The following RAPGEF6 variants were observed in gnomAD, a reference collection of about 807,000 sequenced individuals.
RAPGEF6 encodes the protein PDZ domain containing guanine nucleotide exchange factor (GEF) 2.
Under a neutral mutation model 171.4 loss-of-function variants are expected in RAPGEF6, and 56 were observed. That is an observed-to-expected ratio of 0.33 (90% confidence interval 0.26 to 0.41). RAPGEF6 has a LOEUF of 0.41. Ranked by LOEUF, RAPGEF6 falls within the 10% of genes least tolerant of loss-of-function variation. RAPGEF6 has a pLI of 1.00. For synonymous variants in RAPGEF6, 692 were observed against 650.1 expected, an observed-to-expected ratio of 1.06 and a Z score of -0.98; for missense variants, 1,674 against 1,921.4, an observed-to-expected ratio of 0.87 and a Z score of 2.41.
intron 3 of RAPGEF6, among the ~76,000 whole-genome samples, chr5:131,596,432 A>C (rs1270104520): frequency 6.6e-6 from 1 of 151,470 alleles, no homozygotes; most frequent in Non-Finnish European, 1.5e-5. Flanking sequence ...GGAGTGCCCA[A>C]GCTTGTAAAG....
intron 16 of RAPGEF6, among the ~76,000 whole-genome samples, chr5:131,473,855 T>A (rs1484091851): frequency 6.6e-6 from 1 of 152,162 alleles, no homozygotes; most frequent in Non-Finnish European, 1.5e-5. Flanking sequence ...GCTAAAGGAC[T>A]GTTAATAGTC....
chr5:131,530,741 T>C (rs1045882296), intron 6 of RAPGEF6, among the ~76,000 whole-genome samples: 3 of 152,214 alleles, frequency 2.0e-5, no homozygotes, highest in Non-Finnish European at 2.9e-5. Flanking sequence ...CTCTTCCATA[T>C]TTGTTAAATC....
intron 9 of RAPGEF6, 85 bp from the exon 10 acceptor site, chr5:131,505,607 T>C (rs572310624): frequency 8.3e-7 from 1 of 1,205,862 alleles, no homozygotes; most frequent in Non-Finnish European, 1.1e-6. Flanking sequence ...TCAATATATA[T>C]AACTTGAATA....
chr5:131,587,986 A>G (rs1399774828), intron 4 of RAPGEF6, among the ~76,000 whole-genome samples: 1 of 151,716 alleles, frequency 6.6e-6, no homozygotes, highest in Non-Finnish European at 1.5e-5. Flanking sequence ...TGAGGGAGCA[A>G]TGTAGCTTTT....
chr5:131,596,533 A>G (rs1238758014), intron 3 of RAPGEF6, among the ~76,000 whole-genome samples: 1 of 152,024 alleles, frequency 6.6e-6, no homozygotes, highest in South Asian at 2.1e-4. Flanking sequence ...GGACAGATCG[A>G]TAGACCTCAA....
intron 22 of RAPGEF6, among the ~76,000 whole-genome samples, chr5:131,444,967 G>C (rs1432978009): frequency 6.6e-6 from 1 of 152,236 alleles, no homozygotes; most frequent in African/African-American, 2.4e-5. Flanking sequence ...GTGGCAGCCA[G>C]AATGTAGAAA....
At chr5:131,580,692 C>T (rs1389963039) in intron 4 of RAPGEF6, among the ~76,000 whole-genome samples, 1 of 152,214 alleles carries the variant, frequency 6.6e-6, no homozygotes, top group Non-Finnish European at 1.5e-5. Context: ...CCATTACAAC[C>T]TCTAATGGCT....
chr5:131,551,139 G>C (rs950119959), intron 5 of RAPGEF6, among the ~76,000 whole-genome samples: 1 of 152,128 alleles, frequency 6.6e-6, no homozygotes, highest in Non-Finnish European at 1.5e-5. Flanking sequence ...AGAAACTGCA[G>C]CTTATCTCAT....
intron 2 of RAPGEF6, 65 bp downstream of exon 2, chr5:131,604,558 T>C (rs1764435467): frequency 6.4e-7 from 1 of 1,553,512 alleles, no homozygotes; most frequent in Non-Finnish European, 8.8e-7. Flanking sequence ...GCTTAACAAA[T>C]ATTTGGTGAA....
At position 131,455,715 on chromosome 5, in the gene RAPGEF6, T is replaced by C. The variant is rs960435934; in HGVS notation, c.3076+86A>G. 4.3e-6 allele frequency: 5 copies of C among 1,154,112 alleles called. No homozygotes were observed. In the African/African-American group the frequency reaches 6.2e-5, roughly 14 times the overall value. 71.5% of individuals were successfully genotyped at this position (1,154,112 alleles called of 1,614,324 possible). A position where few individuals can be genotyped will look rare whatever the true frequency, so the allele number is the denominator to read the frequency against. On this transcript the variant is annotated intron_variant, in intron 20 of 27. Coordinates refer to ENST00000509018, the MANE Select transcript of RAPGEF6 (RefSeq NM_016340.6). ...GTGTATAGTTACCAAATTAATAGAATAGGAAATATACCATACACAAAAATC... is the reference window on the plus strand; with the variant it reads ...GTGTATAGTTACCAAATTAATAGAACAGGAAATATACCATACACAAAAATC...
intron 6 of RAPGEF6, among the ~76,000 whole-genome samples, chr5:131,527,014 T>C (rs1758913094): frequency 6.6e-6 from 1 of 152,104 alleles, no homozygotes; most frequent in Non-Finnish European, 1.5e-5. Flanking sequence ...AAGCTAGGCA[T>C]TTTGAATTTG....
At chr5:131,516,959 T>C (rs1381512208) in intron 7 of RAPGEF6, among the ~76,000 whole-genome samples, 1 of 152,186 alleles carries the variant, frequency 6.6e-6, no homozygotes, top group Non-Finnish European at 1.5e-5. Flanking sequence ...CATAGAAGTG[T>C]AGCCACACAT....
At chr5:131,447,836 T>C (rs1355312213) in intron 21 of RAPGEF6, among the ~76,000 whole-genome samples, 2 of 152,234 alleles carry the variant, frequency 1.3e-5, no homozygotes, top group Non-Finnish European at 2.9e-5. Flanking sequence ...AATAGGGGTA[T>C]ATCTTACACT....
At chr5:131,478,803 G>A (rs1332466596) in intron 16 of RAPGEF6, among the ~76,000 whole-genome samples, 1 of 152,160 alleles carries the variant, frequency 6.6e-6, no homozygotes, top group African/African-American at 2.4e-5. Flanking sequence ...AGGCAAGTAA[G>A]TATTTTCTTT....
rs149135176 is a variant in RAPGEF6 at position 131,424,466 on chromosome 5, T to C, written c.*2800A>G. Reference sequence around the variant, plus strand: ...AAAATTGAATCAAAATAATCAGTTTTAAGGAAGCTTTTTCTCCTCCTTCCT... The same window carrying C: ...AAAATTGAATCAAAATAATCAGTTTCAAGGAAGCTTTTTCTCCTCCTTCCT... On this transcript the variant is annotated 3_prime_UTR_variant, in exon 28 of 28. Coordinates refer to ENST00000509018, the MANE Select transcript of RAPGEF6 (RefSeq NM_016340.6). The C allele has an allele frequency of 5.1e-4, 77 of 152,474 alleles. No homozygotes were observed. Among genetic ancestry groups the C allele is most frequent in the African/African-American group, 1.8e-3 (75 of 41,584 alleles). 9.4% of individuals were successfully genotyped at this position (152,474 alleles called of 1,614,324 possible).
intron 6 of RAPGEF6, among the ~76,000 whole-genome samples, chr5:131,539,355 T>TAA (rs1759982342): frequency 6.6e-6 from 1 of 152,228 alleles, no homozygotes; most frequent in South Asian, 2.1e-4. Flanking sequence ...GACTTTCACT[T>TAA]AAACAGTTCA....
chr5:131,614,092 GT>G (rs1366650576), intron 1 of RAPGEF6, among the ~76,000 whole-genome samples: 2 of 152,000 alleles, frequency 1.3e-5, no homozygotes, highest in Admixed American at 6.6e-5. Context: ...GATCAGCCTG[GT>G]CAACATGGTG....
intron 1 of RAPGEF6, among the ~76,000 whole-genome samples, chr5:131,625,673 A>G (rs1451088790): frequency 6.6e-6 from 1 of 152,082 alleles, no homozygotes; most frequent in Non-Finnish European, 1.5e-5. Flanking sequence ...AAAATTAGCC[A>G]GGCATGGTGG....
At chr5:131,570,797 G>A (rs1762232119) in intron 4 of RAPGEF6, among the ~76,000 whole-genome samples, 1 of 152,046 alleles carries the variant, frequency 6.6e-6, no homozygotes, top group African/African-American at 2.4e-5. Context: ...CCAAACAGTG[G>A]TTGTCTGATG....
Sources: gnomAD v4.1 joint callset for allele counts (sites outside exome capture counted in the v4.1 genomes callset) on GRCh38, gnomAD v4.1.1 for gene constraint, MANE v1.5 for transcripts, NCBI Gene and HGNC (gene_info 2026-07-23, HGNC 2026-07-21) for gene names.